The following CDKAL1 variants were observed in gnomAD, a reference collection of about 807,000 sequenced individuals.
CDKAL1 encodes threonylcarbamoyladenosine tRNA methylthiotransferase.
In CDKAL1, 32 loss-of-function variants were observed where a neutral mutation model predicts 68.2. That is an observed-to-expected ratio of 0.47 (90% CI 0.35 to 0.63). CDKAL1 has a LOEUF of 0.63. CDKAL1 is among the 30% of genes least tolerant of loss of function. CDKAL1 has a pLI of 0.00. For missense variants in CDKAL1, 606 were observed against 696.7 expected (o/e 0.87, Z 1.47); for synonymous variants, 234 against 244.3 (o/e 0.96, Z 0.39).
intron 15 of CDKAL1, among the ~76,000 whole-genome samples, chr6:21,227,589 AGT>A (rs1378404435): frequency 4.6e-5 from 7 of 152,254 alleles, no homozygotes; most frequent in African/African-American, 1.7e-4. Context: ...TCCTCAAGAG[AGT>A]GGCAAATCTT....
chr6:20,824,483 T>G (rs1200878413), intron 8 of CDKAL1, among the ~76,000 whole-genome samples: 1 of 152,096 alleles, frequency 6.6e-6, no homozygotes, highest in Non-Finnish European at 1.5e-5. Context: ...ACATGGTTGT[T>G]GGGAGCATTT....
At chr6:20,657,895 T>C (rs1769100940) in intron 5 of CDKAL1, among the ~76,000 whole-genome samples, 2 of 152,224 alleles carry the variant, frequency 1.3e-5, no homozygotes, top group African/African-American at 2.4e-5. Context: ...CCCTGTGTTA[T>C]GATGGCAGCC....
chr6:21,177,502 T>C (rs2151082574), intron 13 of CDKAL1, among the ~76,000 whole-genome samples: 1 of 152,282 alleles, frequency 6.6e-6, no homozygotes, highest in East Asian at 1.9e-4. Context: ...GTTTATGAGT[T>C]TTTTTCCCAC....
At chr6:20,567,376 G>A (rs1764503288) in intron 4 of CDKAL1, among the ~76,000 whole-genome samples, 1 of 151,964 alleles carries the variant, frequency 6.6e-6, no homozygotes, top group African/African-American at 2.4e-5. Flanking sequence ...GCATTAATAA[G>A]GAAAATTCAC....
intron 4 of CDKAL1, among the ~76,000 whole-genome samples, chr6:20,591,795 T>C (rs1356211735): frequency 1.3e-5 from 2 of 152,206 alleles, no homozygotes; most frequent in Admixed American, 1.3e-4. Context: ...TTGTTTGAAG[T>C]CAGGTAGCCT....
At chr6:20,649,088 A>T (rs943946764) in intron 4 of CDKAL1, among the ~76,000 whole-genome samples, 1 of 152,222 alleles carries the variant, frequency 6.6e-6, no homozygotes, top group Non-Finnish European at 1.5e-5. Flanking sequence ...TTTTAAGTGA[A>T]AAGATATAGC....
At chr6:21,064,430 C>T (rs1771311515) in intron 11 of CDKAL1, among the ~76,000 whole-genome samples, 1 of 152,106 alleles carries the variant, frequency 6.6e-6, no homozygotes, top group Admixed American at 6.5e-5. Context: ...GTACATTATA[C>T]AATATGTCAA....
chr6:20,734,733 AT>A (rs1773106452), intron 5 of CDKAL1, among the ~76,000 whole-genome samples: 1 of 152,184 alleles, frequency 6.6e-6, no homozygotes, highest in Admixed American at 6.5e-5. Context: ...TAATGAAATA[AT>A]TTTTTCCCCA....
At chr6:20,973,908 G>A (rs993153376) in intron 10 of CDKAL1, among the ~76,000 whole-genome samples, 1 of 152,040 alleles carries the variant, frequency 6.6e-6, no homozygotes, top group Non-Finnish European at 1.5e-5. Context: ...CCTGGCCTGG[G>A]TCATCATTTC....
chr6:20,964,905 C>T (rs967423838), intron 10 of CDKAL1, among the ~76,000 whole-genome samples: 14 of 152,122 alleles, frequency 9.2e-5, no homozygotes, highest in Non-Finnish European at 1.6e-4. Flanking sequence ...CAGTGACACA[C>T]GGATATTTGT....
intron 7 of CDKAL1, among the ~76,000 whole-genome samples, chr6:20,759,567 A>AT (rs918391031): frequency 5.3e-5 from 8 of 152,084 alleles, no homozygotes; most frequent in Admixed American, 1.3e-4. Context: ...ATAATAAGGA[A>AT]TTTTTTATTT....
chr6:20,752,444 C>G (rs1195180042), intron 6 of CDKAL1, among the ~76,000 whole-genome samples: 2 of 152,092 alleles, frequency 1.3e-5, no homozygotes, highest in African/African-American at 4.8e-5. Context: ...CCATCAGGGT[C>G]TCCATCTTCA....
intron 9 of CDKAL1, among the ~76,000 whole-genome samples, chr6:20,880,756 T>C (rs1245890066): frequency 1.3e-5 from 2 of 152,130 alleles, no homozygotes; most frequent in Non-Finnish European, 2.9e-5. Flanking sequence ...AGTCAGATAA[T>C]TGACATGTTA....
At chr6:21,211,046 G>A (rs1362442401) in intron 15 of CDKAL1, among the ~76,000 whole-genome samples, 6 of 152,226 alleles carry the variant, frequency 3.9e-5, no homozygotes, top group African/African-American at 1.4e-4. Flanking sequence ...GGGGACAAAG[G>A]AGGTTGGAAA....
chr6:21,031,248 G>A (rs969838108), intron 11 of CDKAL1, among the ~76,000 whole-genome samples: 11 of 150,776 alleles, frequency 7.3e-5, no homozygotes, highest in African/African-American at 2.0e-4. Flanking sequence ...CCATTCCCAT[G>A]TGACCCCCAC....
chr6:21,029,357 C>T (rs1405522423), intron 11 of CDKAL1, among the ~76,000 whole-genome samples: 1 of 152,000 alleles, frequency 6.6e-6, no homozygotes, highest in Non-Finnish European at 1.5e-5. Context: ...ACCATACTGG[C>T]CAGCTCCTTC....
rs568333407 is a variant in CDKAL1, at chr6:20,651,893, A to G, written c.371+2516A>G. Among the ~76,000 whole-genome samples, 6 of 152,324 alleles carry G rather than the reference A, an allele frequency of 3.9e-5. No homozygotes were observed. The South Asian group carries it at 8.3e-4, about 21-fold the overall frequency. The stretch of plus-strand genomic sequence containing the variant: ...TGTTGAACCAGCCTCGCATCCAGGG[A>G]TGAAGCCCACTTGATCATGGTGGAT... On this transcript the variant is annotated intron_variant, in intron 5 of 15. Transcript: ENST00000274695.
chr6:21,222,336 A>G (rs940532992), intron 15 of CDKAL1, among the ~76,000 whole-genome samples: 1 of 152,254 alleles, frequency 6.6e-6, no homozygotes, highest in Non-Finnish European at 1.5e-5. Context: ...TCTCATTCCC[A>G]GAATTGAAAC....
chr6:21,157,730 G>A (rs926803313), intron 13 of CDKAL1, among the ~76,000 whole-genome samples: 2 of 152,214 alleles, frequency 1.3e-5, no homozygotes, highest in African/African-American at 4.8e-5. Flanking sequence ...AAACAAAACA[G>A]TCTTTGAGAA....
Sources: gnomAD v4.1 joint callset for allele counts (sites outside exome capture counted in the v4.1 genomes callset) on GRCh38, gnomAD v4.1.1 for gene constraint, MANE v1.5 for transcripts, NCBI Gene and HGNC (gene_info 2026-07-23, HGNC 2026-07-21) for gene names.